The following MAST4 variants were observed in gnomAD, a reference collection of about 807,000 sequenced individuals.
The protein encoded by MAST4 is microtubule associated serine/threonine kinase family member 4.
Under a neutral mutation model 162.7 loss-of-function variants are expected in MAST4, and 89 were observed. The ratio of observed to expected loss-of-function variants is 0.55; its 90% CI spans 0.46 to 0.65. The LOEUF is 0.65. MAST4 is among the 30% of genes least tolerant of loss of function. The pLI is 0.00. For synonymous variants in MAST4, 1,479 were observed against 1,361.1 expected (o/e 1.09, Z -1.91); for missense variants, 3,153 against 3,374.0 (o/e 0.93, Z 1.62).
chr5:67,159,593 A>T (rs1186607452), intron 26 of MAST4, among the ~76,000 whole-genome samples: 7 of 152,138 alleles, frequency 4.6e-5, no homozygotes, highest in Non-Finnish European at 1.0e-4. Context: ...AATCGGGGCC[A>T]TCTGTGACCT....
chr5:66,739,506 T>A (rs1477620300), intron 1 of MAST4, among the ~76,000 whole-genome samples: 1 of 152,192 alleles, frequency 6.6e-6, no homozygotes, highest in East Asian at 1.9e-4. Flanking sequence ...CCTCCTCTCT[T>A]TTCACATATA....
At chr5:66,727,786 C>T (rs1175330395) in intron 1 of MAST4, among the ~76,000 whole-genome samples, 10 of 152,116 alleles carry the variant, frequency 6.6e-5, no homozygotes, top group Non-Finnish European at 1.3e-4. Flanking sequence ...TTTTGGGTGC[C>T]GGAAGAGCCT....
chr5:66,943,501 G>C (rs577405661), intron 4 of MAST4, among the ~76,000 whole-genome samples: 1 of 151,866 alleles, frequency 6.6e-6, no homozygotes, highest in African/African-American at 2.4e-5. Flanking sequence ...AGATCTTTTC[G>C]TTATCCCATG....
chr5:66,878,106 A>G (rs1008145500), intron 3 of MAST4, among the ~76,000 whole-genome samples: 8 of 152,356 alleles, frequency 5.3e-5, no homozygotes, highest in African/African-American at 1.9e-4. Flanking sequence ...TTTGAGCTGC[A>G]AGCATTAGTT....
intron 5 of MAST4, among the ~76,000 whole-genome samples, chr5:67,086,577 TC>T (rs1310795126): frequency 6.6e-6 from 1 of 152,182 alleles, no homozygotes; most frequent in Non-Finnish European, 1.5e-5. Context: ...GTCAGAAACA[TC>T]AGCAGCGATA....
At chr5:66,959,105 C>T (rs908968195) in intron 4 of MAST4, 2 of 664,718 alleles carry the variant, frequency 3.0e-6, no homozygotes, top group Non-Finnish European at 5.5e-6. Flanking sequence ...TGGAAGGACC[C>T]AAACTTGCAG....
chr5:66,614,927 C>T (rs1743568551), intron 1 of MAST4, among the ~76,000 whole-genome samples: 1 of 152,128 alleles, frequency 6.6e-6, no homozygotes. Context: ...GCACATGTGG[C>T]AAAATAATCT....
intron 1 of MAST4, among the ~76,000 whole-genome samples, chr5:66,633,735 T>C (rs1037662001): frequency 6.6e-6 from 1 of 152,218 alleles, no homozygotes; most frequent in Admixed American, 6.5e-5. Flanking sequence ...CCTTTGTTGC[T>C]CAATTTATTT....
chr5:66,848,444 T>A (rs1162797093), intron 3 of MAST4, among the ~76,000 whole-genome samples: 3 of 151,880 alleles, frequency 2.0e-5, no homozygotes, highest in Non-Finnish European at 2.9e-5. Context: ...AGCAGGCAGG[T>A]TGTTTTTTTT....
intron 4 of MAST4, among the ~76,000 whole-genome samples, chr5:66,903,940 G>T (rs1157264420): frequency 6.6e-6 from 1 of 152,222 alleles, no homozygotes; most frequent in African/African-American, 2.4e-5. Flanking sequence ...AAGTGGTGAT[G>T]CCATGGCTGG....
chr5:66,990,449 A>G (rs1472859625), intron 4 of MAST4, among the ~76,000 whole-genome samples: 1 of 152,142 alleles, frequency 6.6e-6, no homozygotes, highest in Non-Finnish European at 1.5e-5. Context: ...CACCCTGGGA[A>G]AACATAGGGA....
intron 5 of MAST4, among the ~76,000 whole-genome samples, chr5:67,066,656 T>G (rs1760273167): frequency 6.6e-6 from 1 of 152,214 alleles, no homozygotes; most frequent in Non-Finnish European, 1.5e-5. Flanking sequence ...ATTTTTGTTC[T>G]TATAAGTAAT....
rs1450241404 is a variant in MAST4, at chr5:67,146,051, A to G, written c.3094+672A>G. 1.3e-5 allele frequency among the ~76,000 whole-genome samples: 2 copies of G among 152,266 alleles called. 1 individual carries two copies. The highest frequency in any genetic ancestry group is 1.3e-4 in the Admixed American group (2 of 15,292). ...TGATTTAAATTGATAGTTTACGTGC[A>G]TATGAAATAACTCCACTGAAGACAA... On this transcript the variant is annotated intron_variant, in intron 23 of 28. Coordinates refer to ENST00000403625, the MANE Select transcript of MAST4 (RefSeq NM_001164664.2).
chr5:66,632,572 AC>A (rs1744855851), intron 1 of MAST4, among the ~76,000 whole-genome samples: 1 of 152,104 alleles, frequency 6.6e-6, no homozygotes, highest in South Asian at 2.1e-4. Context: ...ACTGTCTGCA[AC>A]CTAGAGATCT....
intron 3 of MAST4, among the ~76,000 whole-genome samples, chr5:66,888,777 G>T (rs1048174301): frequency 1.3e-5 from 2 of 152,174 alleles, no homozygotes; most frequent in Admixed American, 1.3e-4. Flanking sequence ...GCTGTGGATT[G>T]GACAGTGAGG....
chr5:67,030,770 T>A (rs1489999650), intron 4 of MAST4, among the ~76,000 whole-genome samples: 1 of 152,196 alleles, frequency 6.6e-6, no homozygotes, highest in Non-Finnish European at 1.5e-5. Context: ...GGTGTTTGTG[T>A]CACTCTCTTA....
intron 4 of MAST4, chr5:67,005,148 G>A (rs1243456021): frequency 4.2e-6 from 3 of 719,452 alleles, no homozygotes; most frequent in Non-Finnish European, 7.8e-6. Context: ...GCCCACAGGC[G>A]GAGCTGCCTG....
At chr5:66,875,142 C>G (rs1234765877) in intron 3 of MAST4, among the ~76,000 whole-genome samples, 1 of 152,130 alleles carries the variant, frequency 6.6e-6, no homozygotes, top group African/African-American at 2.4e-5. Context: ...TTAGGAATTT[C>G]AAGTGTTAAA....
At position 66,596,399 on chromosome 5, in the gene MAST4, G is replaced by C. The variant is rs538491959; in HGVS notation, c.-257G>C. 6.5e-4 allele frequency: 251 copies of C among 385,984 alleles called. No homozygotes were observed. The highest frequency in any genetic ancestry group is 4.0e-3 in the Middle Eastern group (6 of 1,514). 23.9% of individuals were successfully genotyped at this position (385,984 alleles called of 1,614,324 possible). ...TCGGGTGCAGCGCGGGAGCACAGTGGAGCGCAGATCGCGGACCCGAGCGGG... is the reference window on the plus strand; with the variant it reads ...TCGGGTGCAGCGCGGGAGCACAGTGCAGCGCAGATCGCGGACCCGAGCGGG... On this transcript the variant is annotated 5_prime_UTR_variant, in exon 1 of 29. Transcript: ENST00000403625.
Sources: gnomAD v4.1 joint callset for allele counts (sites outside exome capture counted in the v4.1 genomes callset) on GRCh38, gnomAD v4.1.1 for gene constraint, MANE v1.5 for transcripts, NCBI Gene and HGNC (gene_info 2026-07-23, HGNC 2026-07-21) for gene names.